Variants in WDFY3 observed in about 807,000 individuals in gnomAD.
WDFY3 encodes WD repeat and FYVE domain containing 3, also known as WD repeat and FYVE domain-containing protein 3.
In WDFY3, 66 loss-of-function variants were observed where a neutral mutation model predicts 409.6. The observed-to-expected ratio is 0.16, with a 90% CI of 0.13 to 0.20. The LOEUF (loss-of-function observed/expected upper bound fraction) is 0.20, where lower values mean the gene tolerates loss of function less well. WDFY3 is among the 10% of genes least tolerant of loss of function. The pLI, the probability that WDFY3 is intolerant of heterozygous loss-of-function variation, is 1.00. For synonymous variants in WDFY3, 1,521 were observed against 1,537.1 expected, an observed-to-expected ratio of 0.99 and a Z score of 0.25; for missense variants, 3,031 against 4,298.1, an observed-to-expected ratio of 0.71 and a Z score of 8.24.
intron 56 of WDFY3, among the ~76,000 whole-genome samples, chr4:84,702,053 G>A (rs1393025626): frequency 6.6e-6 from 1 of 152,148 alleles, no homozygotes; most frequent in Non-Finnish European, 1.5e-5. Context: ...CTGTTGCCCA[G>A]GCTGGCGTGC....
chr4:84,930,841 TG>T (rs1218832899), intron 2 of WDFY3, among the ~76,000 whole-genome samples: 7 of 152,140 alleles, frequency 4.6e-5, no homozygotes, highest in African/African-American at 1.4e-4. Context: ...TGCAATAACA[TG>T]GATATAACTT....
chr4:84,938,718 C>T (rs1771741859), intron 1 of WDFY3, among the ~76,000 whole-genome samples: 1 of 152,132 alleles, frequency 6.6e-6, no homozygotes, highest in Non-Finnish European at 1.5e-5. Flanking sequence ...AAAAATCACT[C>T]ATACTCAGAT....
chr4:84,759,741 C>T (rs367876945), intron 32 of WDFY3, among the ~76,000 whole-genome samples: 5 of 151,238 alleles, frequency 3.3e-5, no homozygotes, highest in Non-Finnish European at 7.4e-5. Context: ...ACAATCATGT[C>T]GTCTGCAAAC....
chr4:84,690,209 G>C (rs1729024304), intron 61 of WDFY3, among the ~76,000 whole-genome samples: 1 of 152,106 alleles, frequency 6.6e-6, no homozygotes, highest in Non-Finnish European at 1.5e-5. Flanking sequence ...AATTCAGTTT[G>C]CAAAAATTCA....
intron 32 of WDFY3, among the ~76,000 whole-genome samples, chr4:84,762,580 T>A (rs918113402): frequency 1.3e-5 from 2 of 151,824 alleles, no homozygotes; most frequent in African/African-American, 4.8e-5. Flanking sequence ...AACCTGCACA[T>A]TGTGCACATG....
chr4:84,819,547 T>C (rs1753777586), intron 12 of WDFY3, among the ~76,000 whole-genome samples: 2 of 152,120 alleles, frequency 1.3e-5, no homozygotes, highest in Non-Finnish European at 2.9e-5. Flanking sequence ...GCAAGAGTGA[T>C]ATTTTATAAA....
intron 65 of WDFY3, among the ~76,000 whole-genome samples, chr4:84,678,679 T>G (rs1726781866): frequency 6.6e-6 from 1 of 152,216 alleles, no homozygotes; most frequent in Non-Finnish European, 1.5e-5. Context: ...TTTGAGGTAT[T>G]TTTCTTTAAA....
chr4:84,882,718 A>ATT lies in WDFY3; in HGVS notation c.-32+14191_-32+14192dup, dbSNP rs761553554. ...ATCAGAGTATTATTGTTTCACCTAT[A>ATT]TTTTTTTTTTTTTTGAGACACAGTG... On this transcript the variant is annotated intron_variant, in intron 3 of 67. Coordinates refer to ENST00000295888, the MANE Select transcript of WDFY3 (RefSeq NM_014991.6). Among the ~76,000 whole-genome samples, 941 of 143,920 alleles carry ATT rather than the reference A, an allele frequency of 6.5e-3. 11 individuals carry two copies. The highest frequency in any genetic ancestry group is 0.022 in the African/African-American group (854 of 39,536). 94.4% of individuals were successfully genotyped at this position (143,920 alleles called of 152,430 possible). A position where few individuals can be genotyped will look rare whatever the true frequency, so the allele number is the denominator to read the frequency against.
At chr4:84,704,547 T>C (rs1731600514) in intron 54 of WDFY3, 103 bp from the exon 55 acceptor site, 3 of 894,182 alleles carry the variant, frequency 3.4e-6, no homozygotes, top group Middle Eastern at 2.9e-4. Context: ...GTGATAACTG[T>C]AACACTAAAT....
chr4:84,911,363 T>C (rs1018087408), intron 2 of WDFY3, among the ~76,000 whole-genome samples: 19 of 152,276 alleles, frequency 1.2e-4, no homozygotes, highest in African/African-American at 4.6e-4. Context: ...GGCATACGAC[T>C]GTAGTCCTAG....
At chr4:84,947,554 TAAATAAAATA>T (rs1165468400) in intron 1 of WDFY3, among the ~76,000 whole-genome samples, 1 of 143,890 alleles carries the variant, frequency 6.9e-6, no homozygotes, top group Non-Finnish European at 1.5e-5. Flanking sequence ...AAATAATAAA[TAAATAAAATA>T]AAATAAAATA....
At chr4:84,757,324 A>C (rs1434796449) in intron 32 of WDFY3, among the ~76,000 whole-genome samples, 163 bp from the exon 33 acceptor site, 1 of 152,218 alleles carries the variant, frequency 6.6e-6, no homozygotes, top group East Asian at 1.9e-4. Context: ...TCTTCAGTTA[A>C]AAGTTTTACT....
intron 22 of WDFY3, among the ~76,000 whole-genome samples, chr4:84,788,751 G>A (rs952624428): frequency 2.6e-5 from 4 of 152,176 alleles, no homozygotes; most frequent in African/African-American, 9.7e-5. Flanking sequence ...GCCCTAAAAT[G>A]GATAACTGGC....
intron 30 of WDFY3, among the ~76,000 whole-genome samples, chr4:84,770,180 C>G (rs1744417641): frequency 6.6e-6 from 1 of 151,964 alleles, no homozygotes; most frequent in Non-Finnish European, 1.5e-5. Flanking sequence ...AGGCGCCCAC[C>G]ACCACGCCTG....
At chr4:84,791,776 C>T (rs1021829538) in intron 21 of WDFY3, among the ~76,000 whole-genome samples, 1 of 152,042 alleles carries the variant, frequency 6.6e-6, no homozygotes, top group Non-Finnish European at 1.5e-5. Context: ...CAACTTTGTC[C>T]CACGTATATA....
At chr4:84,743,195 A>T (rs1175633822) in intron 37 of WDFY3, among the ~76,000 whole-genome samples, 1 of 152,212 alleles carries the variant, frequency 6.6e-6, no homozygotes, top group Non-Finnish European at 1.5e-5. Flanking sequence ...ACTTTGTTTT[A>T]TACACAAATG....
intron 4 of WDFY3, among the ~76,000 whole-genome samples, chr4:84,858,838 A>G (rs745928229): frequency 2.6e-5 from 4 of 152,118 alleles, no homozygotes; most frequent in Admixed American, 1.3e-4. Flanking sequence ...ATAGATCTGG[A>G]AAAAGGGGAG....
chr4:84,679,626 C>T (rs530722860), intron 64 of WDFY3, among the ~76,000 whole-genome samples: 17 of 152,168 alleles, frequency 1.1e-4, no homozygotes, highest in African/African-American at 4.1e-4. Context: ...CTGGTGCCGC[C>T]TAGACCCATC....
At chr4:84,785,811 C>A (rs908820808) in intron 24 of WDFY3, among the ~76,000 whole-genome samples, 168 bp downstream of exon 24, 7 of 152,106 alleles carry the variant, frequency 4.6e-5, no homozygotes, top group African/African-American at 1.7e-4. Context: ...AGTTACATAT[C>A]TACATGTGTT....
Sources: gnomAD v4.1 joint callset for allele counts (sites outside exome capture counted in the v4.1 genomes callset) on GRCh38, gnomAD v4.1.1 for gene constraint, MANE v1.5 for transcripts, NCBI Gene and HGNC (gene_info 2026-07-23, HGNC 2026-07-21) for gene names.